The following STARD13 variants were observed in gnomAD, a reference collection of about 807,000 sequenced individuals.
STARD13 encodes the protein StAR related lipid transfer domain containing 13, also known as stAR-related lipid transfer protein 13.
Under a neutral mutation model 106.4 loss-of-function variants are expected in STARD13, and 62 were observed. That is an observed-to-expected ratio of 0.58 (90% CI 0.48 to 0.72). STARD13 has a LOEUF of 0.72. Among genes scored for constraint, STARD13 ranks in the 30% least tolerant of loss-of-function variants. STARD13 has a pLI of 0.00. For missense variants in STARD13, 1,387 were observed against 1,424.0 expected, an observed-to-expected ratio of 0.97 and a Z score of 0.42; for synonymous variants, 565 against 553.0, an observed-to-expected ratio of 1.02 and a Z score of -0.31.
intron 12 of STARD13, 63 bp downstream of exon 12, chr13:33,109,810 C>T (rs1447160835): frequency 6.6e-7 from 1 of 1,506,030 alleles, no homozygotes; most frequent in East Asian, 2.3e-5. Context: ...GAGAAGTGCT[C>T]ACATCTACAG....
At chr13:33,385,675 C>T in the STARD13 span, among the ~76,000 whole-genome samples, 2 of 151,232 alleles carry the variant, frequency 1.3e-5, no homozygotes, top group Admixed American at 6.6e-5. Context: ...GCCTTGCCAA[C>T]GTGGTGAAAC....
In STARD13 at chr13:33,255,098, T is replaced by TCC. The variant is rs144734075; in HGVS notation, c.169+30370_169+30371dup. 1.7e-3 allele frequency among the ~76,000 whole-genome samples: 239 copies of TCC among 136,836 alleles called. 2 individuals are homozygous for TCC. The East Asian group carries it at 0.023, about 13-fold the overall frequency. 89.8% of individuals were successfully genotyped at this position (136,836 alleles called of 152,430 possible). On this transcript the variant is annotated intron_variant, in intron 1 of 13. Coordinates refer to ENST00000336934, the MANE Select transcript of STARD13 (RefSeq NM_178006.4). ...CTCCTATACCTGTCCATCTGTGTGC[T>TCC]CCCCCCCCCCTCAGAGGCTTGATCA...
At chr13:33,145,608 GA>G (rs1880421405) in intron 3 of STARD13, among the ~76,000 whole-genome samples, 2 of 152,050 alleles carry the variant, frequency 1.3e-5, no homozygotes. Flanking sequence ...CCAAAAAGTA[GA>G]AATGGCCCAA....
chr13:33,210,885 T>C (rs1388312192), intron 1 of STARD13, among the ~76,000 whole-genome samples: 1 of 152,194 alleles, frequency 6.6e-6, no homozygotes, highest in Non-Finnish European at 1.5e-5. Flanking sequence ...GAATCGGCCA[T>C]TTCAAGCCCT....
chr13:33,524,100 T>C, the STARD13 span: 1 of 261,836 alleles, frequency 3.8e-6, no homozygotes, highest in Non-Finnish European at 6.6e-6. Context: ...TAGTTAATGC[T>C]AATGTTAAGT....
chr13:33,114,825 CATT>C (rs543297850), intron 8 of STARD13, among the ~76,000 whole-genome samples: 19 of 151,822 alleles, frequency 1.3e-4, no homozygotes, highest in Middle Eastern at 3.4e-3. Flanking sequence ...ACTTCCTGTC[CATT>C]ATTATTATTA....
At chr13:33,259,451 A>G (rs1958306224) in intron 1 of STARD13, among the ~76,000 whole-genome samples, 1 of 152,172 alleles carries the variant, frequency 6.6e-6, no homozygotes, top group South Asian at 2.1e-4. Context: ...TAAACTTCAC[A>G]CTGGCTTTGG....
chr13:33,167,525 AAG>A (rs1883461718), intron 2 of STARD13, 24 bp downstream of exon 2: 1 of 1,612,116 alleles, frequency 6.2e-7, no homozygotes, highest in Non-Finnish European at 8.5e-7. Flanking sequence ...TTCTCTGTGT[AAG>A]AGCGAAGCGA....
rs750450257 is a variant in STARD13, at chr13:33,186,052, C to A, written c.170-18430G>T. ...GTTCAAAGAAATTCAGAGCAAGGAG[C>A]AGATGATAGTCCTCTCTCATGTTTC... On this transcript the variant is annotated intron_variant, in intron 1 of 13. Transcript: ENST00000336934. The A allele has an allele frequency of 3.1e-5, 50 of 1,613,306 alleles. No homozygotes were observed. In the East Asian group the frequency reaches 1.1e-3, roughly 35 times the overall value.
At chr13:33,419,583 T>C in the STARD13 span, among the ~76,000 whole-genome samples, 1 of 152,202 alleles carries the variant, frequency 6.6e-6, no homozygotes, top group Admixed American at 6.5e-5. Context: ...CAGGCCAACA[T>C]TCAAATTCAG....
At chr13:33,645,253 C>CA in the STARD13 span, among the ~76,000 whole-genome samples, 1 of 152,148 alleles carries the variant, frequency 6.6e-6, no homozygotes, top group African/African-American at 2.4e-5. Flanking sequence ...CCTCCATGTA[C>CA]AAAGGCCTTG....
the STARD13 span, among the ~76,000 whole-genome samples, chr13:33,629,474 G>C: frequency 6.6e-6 from 1 of 152,180 alleles, no homozygotes; most frequent in Admixed American, 6.5e-5. Context: ...TTTCTAGATA[G>C]AGCCAAATTT....
At chr13:33,671,824 A>G in the STARD13 span, among the ~76,000 whole-genome samples, 1 of 152,346 alleles carries the variant, frequency 6.6e-6, no homozygotes, top group South Asian at 2.1e-4. Context: ...ATAAGTCACA[A>G]TTATAGTCAC....
chr13:33,328,396 A>T (rs2077800646), intron 1 of STARD13, among the ~76,000 whole-genome samples: 1 of 152,256 alleles, frequency 6.6e-6, no homozygotes, highest in African/African-American at 2.4e-5. Flanking sequence ...TACTAACCCT[A>T]TGGGCCACTA....
intron 1 of STARD13, among the ~76,000 whole-genome samples, chr13:33,193,447 G>A (rs1238006342): frequency 6.6e-6 from 1 of 152,150 alleles, no homozygotes; most frequent in Admixed American, 6.5e-5. Context: ...GTTTGTTGTT[G>A]GACAAACACG....
At chr13:33,270,119 C>A (rs1891086841) in intron 1 of STARD13, among the ~76,000 whole-genome samples, 1 of 152,048 alleles carries the variant, frequency 6.6e-6, no homozygotes, top group South Asian at 2.1e-4. Flanking sequence ...GCCTGTAATC[C>A]CAGCTACTTG....
the STARD13 span, among the ~76,000 whole-genome samples, chr13:33,384,010 A>C: frequency 3.5e-4 from 53 of 152,258 alleles, no homozygotes; most frequent in Middle Eastern, 3.4e-3. Context: ...CCAAGACAAC[A>C]GAAGGCTAGA....
chr13:33,647,427 G>C, the STARD13 span, among the ~76,000 whole-genome samples: 1 of 152,108 alleles, frequency 6.6e-6, no homozygotes, highest in Non-Finnish European at 1.5e-5. Context: ...CACTGTCCTG[G>C]ATGACTGTCT....
chr13:33,591,688 AC>A, the STARD13 span, among the ~76,000 whole-genome samples: 1 of 152,332 alleles, frequency 6.6e-6, no homozygotes, highest in Non-Finnish European at 1.5e-5. Flanking sequence ...TTCTGGAGCC[AC>A]ACATGGCTGT....
Sources: allele counts gnomAD v4.1 joint callset (sites outside exome capture counted in the v4.1 genomes callset), GRCh38; gene constraint gnomAD v4.1.1; transcripts MANE v1.5; gene names NCBI Gene and HGNC (gene_info 2026-07-23, HGNC 2026-07-21).